Variants in CACNA2D3 observed in about 807,000 individuals in gnomAD.
CACNA2D3 encodes the protein voltage-dependent calcium channel subunit alpha-2/delta-3.
A neutral mutation model predicts 160.6 loss-of-function variants in CACNA2D3; 60 were observed. The observed-to-expected ratio is 0.37, with a 90% CI of 0.30 to 0.46. The LOEUF (loss-of-function observed/expected upper bound fraction) is 0.46. Among genes scored for constraint, CACNA2D3 ranks in the 20% least tolerant of loss-of-function variants. CACNA2D3 has a pLI of 1.00. For synonymous variants in CACNA2D3, 558 were observed against 492.9 expected (o/e 1.13, Z -1.75); for missense variants, 1,205 against 1,365.0 (o/e 0.88, Z 1.85).
At chr3:54,477,987 T>A (rs1414895068) in intron 4 of CACNA2D3, among the ~76,000 whole-genome samples, 1 of 152,224 alleles carries the variant, frequency 6.6e-6, no homozygotes, top group Non-Finnish European at 1.5e-5. Context: ...CTTAATTCAC[T>A]ATTAATATGT....
At chr3:54,313,134 C>T (rs551749514) in intron 2 of CACNA2D3, among the ~76,000 whole-genome samples, 10 of 152,150 alleles carry the variant, frequency 6.6e-5, no homozygotes, top group African/African-American at 2.2e-4. Flanking sequence ...AGTAAGACTG[C>T]AGGGCAGCCC....
At chr3:54,794,381 A>G (rs1046149402) in intron 13 of CACNA2D3, among the ~76,000 whole-genome samples, 1 of 152,096 alleles carries the variant, frequency 6.6e-6, no homozygotes, top group African/African-American at 2.4e-5. Flanking sequence ...TTTTACTTCC[A>G]CATATGTTAT....
At chr3:54,570,135 C>G in intron 8 of CACNA2D3, 31 bp downstream of exon 8, 1 of 1,603,314 alleles carries the variant, frequency 6.2e-7, no homozygotes, top group South Asian at 1.1e-5. Context: ...CTTCTTTGCA[C>G]TTGGGTTCAT....
rs141034470 is a variant in CACNA2D3, at chr3:54,425,405, C to T, written c.381+38631C>T. Among the ~76,000 whole-genome samples the T allele has an allele frequency of 1.6e-4, 24 of 152,286 alleles. No homozygotes were observed. In the East Asian group the frequency reaches 3.9e-3, roughly 25 times the overall value. On this transcript the variant is annotated intron_variant, in intron 4 of 37. Transcript: ENST00000474759. ...AGGCCAGGTAGCCATTTAATAGCTG[C>T]GCAAATTCTTAGGCAAGTTACTAAC...
intron 35 of CACNA2D3, among the ~76,000 whole-genome samples, chr3:55,054,079 A>G (rs1356062828): frequency 2.0e-5 from 3 of 151,256 alleles, no homozygotes; most frequent in Admixed American, 1.3e-4. Flanking sequence ...TGGTTGCACT[A>G]AGGTTTACAG....
intron 11 of CACNA2D3, among the ~76,000 whole-genome samples, chr3:54,658,086 A>T (rs916014389): frequency 2.0e-5 from 3 of 152,250 alleles, no homozygotes; most frequent in Non-Finnish European, 4.4e-5. Flanking sequence ...TCAGTTGCCA[A>T]TGGACATTGC....
At position 54,880,736 on chromosome 3, in the gene CACNA2D3, C is replaced by T. The variant is rs1559614937; in HGVS notation, c.1845-60C>T. Reference sequence around the variant, plus strand: ...AAATGGAAAATTAAAAAATGTTAGCCCACAAGTCTATTCGAGTCGATGCCA... The same window carrying T: ...AAATGGAAAATTAAAAAATGTTAGCTCACAAGTCTATTCGAGTCGATGCCA... On this transcript the variant is annotated intron_variant, in intron 20 of 37. Coordinates refer to ENST00000474759, the MANE Select transcript of CACNA2D3 (RefSeq NM_018398.3). 3 of 1,352,516 alleles carry T rather than the reference C, an allele frequency of 2.2e-6. No homozygotes were observed. In the African/African-American group the frequency reaches 4.3e-5, roughly 19 times the overall value. The allele number at this position is 1,352,516 out of a possible 1,614,324, so 83.8% of individuals were successfully genotyped here.
At chr3:54,620,946 C>T (rs1698973565) in intron 9 of CACNA2D3, among the ~76,000 whole-genome samples, 1 of 152,228 alleles carries the variant, frequency 6.6e-6, no homozygotes, top group Non-Finnish European at 1.5e-5. Context: ...CCAGTATTGG[C>T]TGCCCTTGGA....
chr3:54,663,660 C>A (rs1404484274), intron 11 of CACNA2D3, among the ~76,000 whole-genome samples: 1 of 152,212 alleles, frequency 6.6e-6, no homozygotes, highest in African/African-American at 2.4e-5. Context: ...TGGATGATTT[C>A]TCCCCAAAAT....
At chr3:54,673,126 A>G (rs1175513109) in intron 11 of CACNA2D3, among the ~76,000 whole-genome samples, 1 of 152,230 alleles carries the variant, frequency 6.6e-6, no homozygotes, top group African/African-American at 2.4e-5. Flanking sequence ...GTGATGCCAC[A>G]CATACTTCTG....
intron 4 of CACNA2D3, among the ~76,000 whole-genome samples, chr3:54,412,454 GT>G (rs1699684037): frequency 1.3e-5 from 2 of 151,702 alleles, no homozygotes; most frequent in Non-Finnish European, 2.9e-5. Context: ...TTGTCTTCTG[GT>G]TAAGGTTATC....
chr3:54,769,149 A>C (rs1455028242), intron 13 of CACNA2D3, among the ~76,000 whole-genome samples: 1 of 152,178 alleles, frequency 6.6e-6, no homozygotes, highest in Non-Finnish European at 1.5e-5. Context: ...AACAGGGTTC[A>C]CATGGTGAAC....
intron 11 of CACNA2D3, among the ~76,000 whole-genome samples, chr3:54,711,963 G>A (rs1417288599): frequency 6.6e-6 from 1 of 152,154 alleles, no homozygotes; most frequent in African/African-American, 2.4e-5. Context: ...TACAGCCTGT[G>A]TTTTAATGCA....
intron 13 of CACNA2D3, among the ~76,000 whole-genome samples, chr3:54,807,344 A>C (rs936880820): frequency 6.6e-5 from 10 of 152,192 alleles, no homozygotes; most frequent in African/African-American, 2.4e-4. Context: ...CAATGAACTC[A>C]AACAAATTTA....
At chr3:54,497,402 C>T (rs1303040087) in intron 4 of CACNA2D3, among the ~76,000 whole-genome samples, 2 of 151,864 alleles carry the variant, frequency 1.3e-5, no homozygotes, top group African/African-American at 2.4e-5. Context: ...TATTATTTTC[C>T]AGTTCAATTT....
intron 10 of CACNA2D3, among the ~76,000 whole-genome samples, chr3:54,633,964 T>C (rs1020096482): frequency 2.0e-5 from 3 of 152,160 alleles, no homozygotes; most frequent in Admixed American, 6.5e-5. Flanking sequence ...TGATTCGAGT[T>C]GGCTTTGCTG....
chr3:55,073,696 G>T, intron 36 of CACNA2D3, 81 bp from the exon 37 acceptor site: 1 of 1,312,524 alleles, frequency 7.6e-7, no homozygotes, highest in Non-Finnish European at 1.1e-6. Flanking sequence ...AGTTAAGAGA[G>T]TTGTCATTGC....
At chr3:54,191,057 A>G (rs1193026167) in intron 2 of CACNA2D3, among the ~76,000 whole-genome samples, 1 of 152,064 alleles carries the variant, frequency 6.6e-6, no homozygotes, top group Non-Finnish European at 1.5e-5. Context: ...CAAAAAAAAA[A>G]AAAAAAAAGT....
At chr3:54,758,839 A>G (rs1702028010) in intron 12 of CACNA2D3, among the ~76,000 whole-genome samples, 2 of 152,206 alleles carry the variant, frequency 1.3e-5, no homozygotes, top group South Asian at 2.1e-4. Flanking sequence ...AAGGAATCAA[A>G]GGAAGCTACA....
Sources: gnomAD v4.1 joint callset for allele counts (sites outside exome capture counted in the v4.1 genomes callset) on GRCh38, gnomAD v4.1.1 for gene constraint, MANE v1.5 for transcripts, NCBI Gene and HGNC (gene_info 2026-07-23, HGNC 2026-07-21) for gene names.